Variants in CNTN4 observed in about 807,000 individuals in gnomAD.
CNTN4 encodes contactin-4.
Under a neutral mutation model 122.5 loss-of-function variants are expected in CNTN4, and 77 were observed. The ratio of observed to expected loss-of-function variants is 0.63; its 90% CI spans 0.52 to 0.76. CNTN4 has a LOEUF of 0.76. Among genes scored for constraint, CNTN4 ranks in the 30% least tolerant of loss-of-function variants. The pLI, the probability that CNTN4 is intolerant of heterozygous loss-of-function variation, is 0.00. For synonymous variants in CNTN4, 512 were observed against 447.0 expected (o/e 1.15, Z -1.83); for missense variants, 1,256 against 1,259.1 (o/e 1.00, Z 0.04).
intron 3 of CNTN4, among the ~76,000 whole-genome samples, chr3:2,504,658 A>G (rs763704659): frequency 3.1e-4 from 47 of 152,330 alleles, no homozygotes; most frequent in Admixed American, 1.4e-3. Context: ...AATATTATTG[A>G]CAAGTTACAA....
intron 3 of CNTN4, among the ~76,000 whole-genome samples, chr3:2,368,589 C>T (rs868378313): frequency 6.6e-6 from 1 of 152,018 alleles, no homozygotes; most frequent in Non-Finnish European, 1.5e-5. Flanking sequence ...TCTATTCTCT[C>T]AGATCTGTGA....
chr3:2,665,348 T>C (rs1183934344), intron 4 of CNTN4, among the ~76,000 whole-genome samples: 1 of 152,230 alleles, frequency 6.6e-6, no homozygotes, highest in African/African-American at 2.4e-5. Flanking sequence ...ACAGTGCTTT[T>C]TCTGTGGGAT....
chr3:2,670,522 A>G (rs1260153950), intron 4 of CNTN4, among the ~76,000 whole-genome samples: 1 of 151,788 alleles, frequency 6.6e-6, no homozygotes, highest in Non-Finnish European at 1.5e-5. Flanking sequence ...AATATAGCAC[A>G]CTGATGGATC....
At chr3:2,895,639 A>G (rs1195937021) in intron 10 of CNTN4, among the ~76,000 whole-genome samples, 1 of 152,228 alleles carries the variant, frequency 6.6e-6, no homozygotes, top group Non-Finnish European at 1.5e-5. Flanking sequence ...AGCCATAAAT[A>G]AGAGTGTGTG....
intron 2 of CNTN4, among the ~76,000 whole-genome samples, chr3:2,219,630 A>G (rs111809048): frequency 1.3e-5 from 2 of 152,268 alleles, no homozygotes; most frequent in African/African-American, 4.8e-5. Flanking sequence ...ATTTAGGCTC[A>G]TATCTACAAT....
intron 6 of CNTN4, among the ~76,000 whole-genome samples, chr3:2,811,563 C>T (rs1281937070): frequency 6.6e-6 from 1 of 151,596 alleles, no homozygotes; most frequent in East Asian, 2.0e-4. Flanking sequence ...TGGGTTCACG[C>T]CATTCTCCTG....
At chr3:2,240,844 A>G (rs945670012) in intron 2 of CNTN4, among the ~76,000 whole-genome samples, 1 of 152,142 alleles carries the variant, frequency 6.6e-6, no homozygotes, top group African/African-American at 2.4e-5. Flanking sequence ...TTCTTTTCAC[A>G]GGGAGTTTTT....
chr3:2,531,504 G>A (rs2077594213), intron 3 of CNTN4, among the ~76,000 whole-genome samples: 1 of 152,126 alleles, frequency 6.6e-6, no homozygotes, highest in South Asian at 2.1e-4. Flanking sequence ...CCCCTAGCTT[G>A]TTAACATTTA....
chr3:2,251,162 C>T (rs748415237), intron 2 of CNTN4, among the ~76,000 whole-genome samples: 12 of 151,816 alleles, frequency 7.9e-5, no homozygotes, highest in Non-Finnish European at 1.6e-4. Context: ...TTGTTAATTT[C>T]GTGATACACC....
At chr3:2,274,771 G>C (rs2041436337) in intron 2 of CNTN4, among the ~76,000 whole-genome samples, 1 of 152,148 alleles carries the variant, frequency 6.6e-6, no homozygotes, top group Admixed American at 6.5e-5. Flanking sequence ...AAATACTGAA[G>C]TTTACTGTCA....
At chr3:2,318,650 G>A (rs2150193689) in intron 2 of CNTN4, among the ~76,000 whole-genome samples, 1 of 152,104 alleles carries the variant, frequency 6.6e-6, no homozygotes, top group South Asian at 2.1e-4. Context: ...ATGCATGTGT[G>A]TTGTGTTGTG....
chr3:2,644,767 T>G (rs1299225258), intron 4 of CNTN4, among the ~76,000 whole-genome samples: 2 of 145,538 alleles, frequency 1.4e-5, no homozygotes, highest in Non-Finnish European at 3.0e-5. Flanking sequence ...ACCCTGAGCA[T>G]ACTAGATTAA....
chr3:2,970,075 TTTG>T (rs149604040), intron 13 of CNTN4, among the ~76,000 whole-genome samples: 3 of 151,374 alleles, frequency 2.0e-5, no homozygotes, highest in Non-Finnish European at 3.0e-5. Context: ...GCATACTGTT[TTTG>T]TTGTTGTTGT....
intron 10 of CNTN4, among the ~76,000 whole-genome samples, chr3:2,897,048 G>C (rs1174699579): frequency 6.6e-6 from 1 of 150,560 alleles, no homozygotes; most frequent in African/African-American, 2.4e-5. Context: ...GAAAATCGAA[G>C]CGCCAAATAC....
At chr3:2,787,465 A>G (rs1015804342) in intron 6 of CNTN4, among the ~76,000 whole-genome samples, 4 of 152,220 alleles carry the variant, frequency 2.6e-5, no homozygotes, top group Non-Finnish European at 4.4e-5. Context: ...GAGGAGATAT[A>G]TAGTGATCAT....
At chr3:2,265,931 T>C (rs1257069372) in intron 2 of CNTN4, among the ~76,000 whole-genome samples, 1 of 152,116 alleles carries the variant, frequency 6.6e-6, no homozygotes, top group Non-Finnish European at 1.5e-5. Flanking sequence ...TTCTGCAACT[T>C]TATTGAATTT....
At chr3:2,757,027 TTGAA>T (rs1198924378) in intron 6 of CNTN4, among the ~76,000 whole-genome samples, 1 of 152,210 alleles carries the variant, frequency 6.6e-6, no homozygotes, top group Non-Finnish European at 1.5e-5. Context: ...AAAAAAATCT[TTGAA>T]TGAGATCAAA....
intron 4 of CNTN4, among the ~76,000 whole-genome samples, chr3:2,645,533 C>A (rs1386405663): frequency 2.6e-5 from 4 of 152,186 alleles, no homozygotes; most frequent in South Asian, 2.1e-4. Context: ...CCAATTAATT[C>A]TTCCTGTTTT....
intron 4 of CNTN4, chr3:2,629,435 A>T (rs1351277): frequency 0.18 from 63,184 of 358,884 alleles, 6,033 homozygotes; most frequent in South Asian, 0.21. Flanking sequence ...CAAATATTCA[A>T]TTTTCCCAAG....
Sources: allele counts gnomAD v4.1 joint callset (sites outside exome capture counted in the v4.1 genomes callset), GRCh38; gene constraint gnomAD v4.1.1; transcripts MANE v1.5; gene names NCBI Gene and HGNC (gene_info 2026-07-23, HGNC 2026-07-21).